Variants in NKAIN2 observed in about 807,000 individuals in gnomAD.
The protein encoded by NKAIN2 is sodium/potassium transporting ATPase interacting 2.
NKAIN2 carries 14 observed loss-of-function variants against 32.6 expected under a neutral mutation model. The ratio of observed to expected loss-of-function variants is 0.43; its 90% confidence interval spans 0.28 to 0.67. The LOEUF (loss-of-function observed/expected upper bound fraction) is 0.67, where lower values mean the gene tolerates loss of function less well. Ranked by LOEUF, NKAIN2 falls within the 30% of genes least tolerant of loss-of-function variation. NKAIN2 has a pLI of 0.17. For synonymous variants in NKAIN2, 80 were observed against 87.2 expected (o/e 0.92, Z 0.46); for missense variants, 198 against 258.3 (o/e 0.77, Z 1.60).
At chr6:123,900,492 G>GA (rs1562247147) in intron 1 of NKAIN2, among the ~76,000 whole-genome samples, 1 of 88,176 alleles carries the variant, frequency 1.1e-5, no homozygotes, top group South Asian at 4.5e-4. Context: ...AATAATAAAA[G>GA]AAAAAAGAAA....
chr6:124,318,293 A>T (rs9491117), intron 2 of NKAIN2, among the ~76,000 whole-genome samples: 4,394 of 151,530 alleles, frequency 0.029, 193 homozygotes, highest in African/African-American at 0.1. Context: ...ATTTTGTCAA[A>T]CTTTGTCACA....
intron 1 of NKAIN2, among the ~76,000 whole-genome samples, chr6:123,935,142 A>G (rs981776141): frequency 1.4e-5 from 2 of 147,622 alleles, no homozygotes; most frequent in Non-Finnish European, 3.0e-5. Context: ...ATATTTATTG[A>G]AAAATATATT....
At chr6:124,721,595 C>T (rs538523126) in intron 4 of NKAIN2, among the ~76,000 whole-genome samples, 1 of 152,052 alleles carries the variant, frequency 6.6e-6, no homozygotes, top group Non-Finnish European at 1.5e-5. Context: ...CTTGCATTAT[C>T]AACATTTCTC....
intron 1 of NKAIN2, among the ~76,000 whole-genome samples, chr6:124,168,933 G>T (rs1033965001): frequency 1.3e-5 from 2 of 152,094 alleles, no homozygotes; most frequent in African/African-American, 4.8e-5. Context: ...AATATTTGGA[G>T]GCCCATGGTT....
chr6:124,422,360 T>C (rs1401954563), intron 3 of NKAIN2, among the ~76,000 whole-genome samples: 1 of 152,034 alleles, frequency 6.6e-6, no homozygotes, highest in Non-Finnish European at 1.5e-5. Flanking sequence ...AAACTTGGAA[T>C]ACATTTCTAA....
chr6:123,821,739 G>T (rs1486790402), intron 1 of NKAIN2, among the ~76,000 whole-genome samples: 1 of 152,166 alleles, frequency 6.6e-6, no homozygotes, highest in Non-Finnish European at 1.5e-5. Flanking sequence ...GGGAGGATGA[G>T]GGAGCCGTGA....
chr6:123,892,145 C>T (rs932875600), intron 1 of NKAIN2, among the ~76,000 whole-genome samples: 2 of 152,118 alleles, frequency 1.3e-5, no homozygotes, highest in African/African-American at 2.4e-5. Context: ...AAAGTGAGGG[C>T]TCCATTACAC....
chr6:124,320,997 C>A (rs76109953), intron 2 of NKAIN2, among the ~76,000 whole-genome samples: 3,076 of 152,258 alleles, frequency 0.02, 54 homozygotes, highest in East Asian at 0.084. Flanking sequence ...CACATAAGAG[C>A]AGGCAGCGTA....
At chr6:124,551,854 A>G (rs908125312) in intron 3 of NKAIN2, among the ~76,000 whole-genome samples, 2 of 152,242 alleles carry the variant, frequency 1.3e-5, no homozygotes, top group Non-Finnish European at 2.9e-5. Context: ...GGTCAGAGTC[A>G]TTACTTTGTG....
chr6:124,441,398 A>G lies in NKAIN2; in HGVS notation c.273+86051A>G, dbSNP rs78451920. On this transcript the variant is annotated intron_variant, in intron 3 of 6. Transcript: ENST00000368417. ...GACTTTAATATACTTTCTCTTGAAT[A>G]TGGTATAGCTTTAGTCATCTGCTTT... Among the ~76,000 whole-genome samples the G allele has an allele frequency of 3.5e-3, 526 of 152,178 alleles. 4 individuals are homozygous for G. The highest frequency in any genetic ancestry group is 0.012 in the African/African-American group (493 of 41,550).
intron 6 of NKAIN2, among the ~76,000 whole-genome samples, chr6:124,820,627 G>A (rs1028407301): frequency 3.4e-4 from 51 of 152,098 alleles, no homozygotes; most frequent in African/African-American, 1.0e-3. Context: ...ATATAACAGC[G>A]GTCCCCTGGG....
At chr6:124,298,637 A>C (rs1796163656) in intron 2 of NKAIN2, among the ~76,000 whole-genome samples, 1 of 152,236 alleles carries the variant, frequency 6.6e-6, no homozygotes, top group African/African-American at 2.4e-5. Flanking sequence ...TGGGATAAAC[A>C]GAACTATAAA....
intron 1 of NKAIN2, among the ~76,000 whole-genome samples, chr6:124,270,258 A>G (rs1794695695): frequency 6.6e-6 from 1 of 152,214 alleles, no homozygotes; most frequent in South Asian, 2.1e-4. Context: ...AGAGGGCAGA[A>G]CTATTGGAGG....
rs183721867 is a variant in NKAIN2, at chr6:124,189,613, G to A, written c.55-93392G>A. On this transcript the variant is annotated intron_variant, in intron 1 of 6. Coordinates refer to ENST00000368417, the MANE Select transcript of NKAIN2 (RefSeq NM_001040214.3). The stretch of plus-strand genomic sequence containing the variant: ...TACTCAGGAGGCTAAGGCAGGAGGC[G>A]GAGCTTGAAGTGAGCCGAGATTGTG... 1.3e-3 allele frequency among the ~76,000 whole-genome samples: 205 copies of A among 152,110 alleles called. 1 individual carries two copies. The highest frequency in any genetic ancestry group is 4.0e-3 in the Admixed American group (61 of 15,272).
At chr6:124,478,455 TAGTGTC>T (rs1316454851) in intron 3 of NKAIN2, among the ~76,000 whole-genome samples, 1 of 152,106 alleles carries the variant, frequency 6.6e-6, no homozygotes, top group East Asian at 1.9e-4. Flanking sequence ...GAGCATCTGG[TAGTGTC>T]AGAGAAATAA....
chr6:124,107,096 A>G (rs1785158613), intron 1 of NKAIN2, among the ~76,000 whole-genome samples: 1 of 152,178 alleles, frequency 6.6e-6, no homozygotes, highest in South Asian at 2.1e-4. Flanking sequence ...ATGAGGGAGT[A>G]CATTATTTAG....
intron 1 of NKAIN2, among the ~76,000 whole-genome samples, chr6:124,162,485 A>G (rs188664278): frequency 7.2e-5 from 11 of 152,246 alleles, no homozygotes; most frequent in African/African-American, 2.6e-4. Flanking sequence ...GAGGGGATGA[A>G]CTATGCATGT....
At chr6:124,012,325 C>G (rs1443459410) in intron 1 of NKAIN2, among the ~76,000 whole-genome samples, 1 of 145,578 alleles carries the variant, frequency 6.9e-6, no homozygotes, top group Non-Finnish European at 1.5e-5. Flanking sequence ...GCTTCTTTCA[C>G]TCTACATGAT....
chr6:124,479,022 C>A (rs1410962817), intron 3 of NKAIN2, among the ~76,000 whole-genome samples: 1 of 152,046 alleles, frequency 6.6e-6, no homozygotes, highest in Non-Finnish European at 1.5e-5. Flanking sequence ...AAACATAGTA[C>A]CCTAGTCTGA....
Sources: allele counts gnomAD v4.1 joint callset (sites outside exome capture counted in the v4.1 genomes callset), GRCh38; gene constraint gnomAD v4.1.1; transcripts MANE v1.5; gene names NCBI Gene and HGNC (gene_info 2026-07-23, HGNC 2026-07-21).